DSCAM: variants seen among roughly 807,000 people sequenced by gnomAD.
DSCAM encodes cell adhesion molecule DSCAM.
DSCAM carries 47 observed loss-of-function variants against 217.7 expected under a neutral mutation model. That is an observed-to-expected ratio of 0.22 (90% CI 0.17 to 0.28). The LOEUF is 0.28. Among genes scored for constraint, DSCAM ranks in the 10% least tolerant of loss-of-function variants. The pLI is 1.00. For missense variants in DSCAM, 2,080 were observed against 2,618.3 expected (o/e 0.79, Z 4.49); for synonymous variants, 1,056 against 1,015.3 (o/e 1.04, Z -0.76).
intron 3 of DSCAM, among the ~76,000 whole-genome samples, chr21:40,631,125 C>T (rs1042934123): frequency 2.0e-5 from 3 of 152,206 alleles, no homozygotes; most frequent in African/African-American, 7.2e-5. Flanking sequence ...TGTGCTTACA[C>T]ATTTTGGCCA....
chr21:40,487,884 G>C (rs1219347061), intron 3 of DSCAM, among the ~76,000 whole-genome samples: 7 of 152,180 alleles, frequency 4.6e-5, no homozygotes, highest in Non-Finnish European at 1.0e-4. Flanking sequence ...AGCCAGCATA[G>C]TGAAGAGGCC....
chr21:40,760,280 T>A (rs1405575027), intron 1 of DSCAM, among the ~76,000 whole-genome samples: 1 of 152,174 alleles, frequency 6.6e-6, no homozygotes, highest in Non-Finnish European at 1.5e-5. Context: ...CCTCCCAAAG[T>A]GCTGGGATTA....
chr21:40,725,171 T>C (rs2090941352), intron 1 of DSCAM, among the ~76,000 whole-genome samples: 1 of 152,228 alleles, frequency 6.6e-6, no homozygotes, highest in Non-Finnish European at 1.5e-5. Context: ...TTAAATCCAT[T>C]GCCATTGGCA....
At chr21:40,569,438 G>A (rs1414491591) in intron 3 of DSCAM, among the ~76,000 whole-genome samples, 4 of 152,070 alleles carry the variant, frequency 2.6e-5, no homozygotes, top group Admixed American at 2.0e-4. Context: ...TCAATCAGTC[G>A]AAAAGATTTA....
chr21:40,171,226 T>A (rs574579979), intron 15 of DSCAM, among the ~76,000 whole-genome samples: 4 of 152,092 alleles, frequency 2.6e-5, no homozygotes, highest in South Asian at 2.1e-4. Context: ...TACAGGTGTG[T>A]GCCACCACGC....
intron 11 of DSCAM, among the ~76,000 whole-genome samples, chr21:40,209,275 C>T (rs1400511599): frequency 6.6e-6 from 1 of 152,156 alleles, no homozygotes; most frequent in African/African-American, 2.4e-5. Context: ...GGTGTGTGGC[C>T]AACCCTGGAC....
intron 3 of DSCAM, among the ~76,000 whole-genome samples, chr21:40,518,903 G>A (rs995481202): frequency 1.3e-4 from 20 of 151,836 alleles, no homozygotes; most frequent in African/African-American, 4.6e-4. Context: ...ACACACCTAG[G>A]CTTTACTGTG....
At chr21:40,347,360 G>C (rs1249171363) in intron 6 of DSCAM, among the ~76,000 whole-genome samples, 1 of 151,590 alleles carries the variant, frequency 6.6e-6, no homozygotes. Flanking sequence ...GTCTAGAGAT[G>C]AATAATCAAC....
At chr21:40,069,577 T>A (rs1482759388) in intron 27 of DSCAM, among the ~76,000 whole-genome samples, 1 of 152,176 alleles carries the variant, frequency 6.6e-6, no homozygotes, top group African/African-American at 2.4e-5. Context: ...ATATCTGAAG[T>A]TCTAGTTACG....
intron 3 of DSCAM, among the ~76,000 whole-genome samples, chr21:40,636,150 A>G (rs1481993507): frequency 7.9e-5 from 12 of 152,196 alleles, no homozygotes; most frequent in Admixed American, 6.5e-4. Context: ...CACAGTTTTA[A>G]AGCTGCAAGA....
intron 1 of DSCAM, among the ~76,000 whole-genome samples, chr21:40,733,243 C>T (rs1461995470): frequency 1.3e-5 from 2 of 152,202 alleles, no homozygotes; most frequent in Non-Finnish European, 2.9e-5. Context: ...GAACCAGGAG[C>T]TTGGAAAGAA....
At chr21:40,647,683 C>G (rs2089964072) in intron 3 of DSCAM, among the ~76,000 whole-genome samples, 1 of 152,168 alleles carries the variant, frequency 6.6e-6, no homozygotes, top group Non-Finnish European at 1.5e-5. Context: ...TATGTCCATT[C>G]AAAATATTCC....
intron 20 of DSCAM, among the ~76,000 whole-genome samples, chr21:40,120,788 C>T (rs1291764341): frequency 6.6e-6 from 1 of 152,168 alleles, no homozygotes; most frequent in African/African-American, 2.4e-5. Flanking sequence ...TGTCATCTGG[C>T]CACATGCAAG....
rs1035933156 is a variant in DSCAM at position 40,453,091 on chromosome 21, T to A, written c.509-83846A>T. Among the ~76,000 whole-genome samples, 326 of 128,976 alleles carry A rather than the reference T, an allele frequency of 2.5e-3. 2 individuals carry two copies. Among genetic ancestry groups the A allele is most frequent in the African/African-American group, 6.0e-3 (197 of 32,656 alleles). 84.6% of individuals were successfully genotyped at this position (128,976 alleles called of 152,430 possible). ...GTGTGTGTGTGTGTGTGTGTGTGTG[T>A]GAGATATATGTGTATATCTACACAT... On this transcript the variant is annotated intron_variant, in intron 3 of 32. Coordinates refer to ENST00000400454, the MANE Select transcript of DSCAM (RefSeq NM_001389.5).
intron 29 of DSCAM, among the ~76,000 whole-genome samples, chr21:40,055,027 G>A (rs941535014): frequency 3.3e-5 from 5 of 152,118 alleles, no homozygotes; most frequent in Non-Finnish European, 5.9e-5. Flanking sequence ...ATTTCACTCC[G>A]GAATAAATAG....
chr21:40,523,000 C>T (rs924562769), intron 3 of DSCAM, among the ~76,000 whole-genome samples: 17 of 152,180 alleles, frequency 1.1e-4, no homozygotes, highest in East Asian at 1.9e-4. Flanking sequence ...TTCACCACGG[C>T]TCTGGTGATG....
At chr21:40,559,883 C>G (rs2076705599) in intron 3 of DSCAM, among the ~76,000 whole-genome samples, 2 of 151,150 alleles carry the variant, frequency 1.3e-5, no homozygotes, top group Admixed American at 1.3e-4. Context: ...AGCTCCGCCT[C>G]CCGAGTTCAC....
rs373942428 is a variant in DSCAM at position 40,294,015 on chromosome 21, C to G, written c.2182+2040G>C. On this transcript the variant is annotated intron_variant, in intron 10 of 32. Transcript: ENST00000400454. Reference sequence around the variant, plus strand: ...GTCTAGAGACAAAAAATGTTTGCAGCAGTTATCTTTGATCATCTTTGAGTG... The same window carrying G: ...GTCTAGAGACAAAAAATGTTTGCAGGAGTTATCTTTGATCATCTTTGAGTG... Among the ~76,000 whole-genome samples, 54 of 152,172 alleles carry G rather than the reference C, an allele frequency of 3.5e-4. No individual in the cohort carries two copies. In the South Asian group the frequency reaches 8.7e-3, roughly 25 times the overall value.
At chr21:40,550,663 T>A (rs770870054) in intron 3 of DSCAM, among the ~76,000 whole-genome samples, 1 of 152,070 alleles carries the variant, frequency 6.6e-6, no homozygotes, top group Non-Finnish European at 1.5e-5. Flanking sequence ...TTCTCTAGAG[T>A]AGTAGTAGCT....
Sources: gnomAD v4.1 joint callset for allele counts (sites outside exome capture counted in the v4.1 genomes callset) on GRCh38, gnomAD v4.1.1 for gene constraint, MANE v1.5 for transcripts, NCBI Gene and HGNC (gene_info 2026-07-23, HGNC 2026-07-21) for gene names.